CHIC2: variants seen among roughly 807,000 people sequenced by gnomAD.
The protein encoded by CHIC2 is cysteine rich hydrophobic domain 2, also known as cysteine-rich hydrophobic domain-containing protein 2.
CHIC2 carries 14 observed loss-of-function variants against 25.9 expected under a neutral mutation model. The ratio of observed to expected loss-of-function variants is 0.54; its 90% confidence interval spans 0.36 to 0.85. The LOEUF is 0.85. Among genes scored for constraint, CHIC2 ranks in the 40% least tolerant of loss-of-function variants. CHIC2 has a pLI of 0.01. For synonymous variants in CHIC2, 70 were observed against 72.0 expected, an observed-to-expected ratio of 0.97 and a Z score of 0.14; for missense variants, 146 against 202.0, an observed-to-expected ratio of 0.72 and a Z score of 1.68.
intron 1 of CHIC2, among the ~76,000 whole-genome samples, chr4:54,063,447 A>G (rs968099393): frequency 2.0e-5 from 3 of 152,118 alleles, no homozygotes; most frequent in Admixed American, 6.5e-5. Flanking sequence ...TTCCTTATTA[A>G]TATCAGACTT....
intron 1 of CHIC2, among the ~76,000 whole-genome samples, chr4:54,057,252 T>A (rs1456663883): frequency 5.3e-5 from 8 of 152,140 alleles, no homozygotes; most frequent in Admixed American, 1.3e-4. Context: ...GGGGCCACTA[T>A]CATGTCTTAT....
chr4:54,032,415 G>A (rs576908763), intron 3 of CHIC2, among the ~76,000 whole-genome samples: 1,549 of 151,534 alleles, frequency 0.01, 20 homozygotes, highest in African/African-American at 0.035. Context: ...GCAGGTGCGC[G>A]CCGCCACGCC....
At chr4:54,091,425 ACT>A in the CHIC2 span, among the ~76,000 whole-genome samples, 2 of 151,616 alleles carry the variant, frequency 1.3e-5, no homozygotes, top group African/African-American at 2.4e-5. Context: ...ACGTTCTCAC[ACT>A]CTCATTCACA....
the CHIC2 span, among the ~76,000 whole-genome samples, chr4:54,082,883 T>C: frequency 6.6e-6 from 1 of 152,182 alleles, no homozygotes; most frequent in Non-Finnish European, 1.5e-5. Flanking sequence ...ATGACTTTCC[T>C]GACCACCATC....
intron 1 of CHIC2, among the ~76,000 whole-genome samples, chr4:54,049,976 G>C (rs1716951273): frequency 6.6e-6 from 1 of 151,980 alleles, no homozygotes; most frequent in Non-Finnish European, 1.5e-5. Flanking sequence ...CTTTAGAATT[G>C]ATAAAAGATT....
intron 1 of CHIC2, among the ~76,000 whole-genome samples, chr4:54,063,459 T>C (rs1717398067): frequency 6.6e-6 from 1 of 152,250 alleles, no homozygotes; most frequent in Non-Finnish European, 1.5e-5. Flanking sequence ...ATCAGACTTT[T>C]AATGTTACTA....
intron 1 of CHIC2, among the ~76,000 whole-genome samples, chr4:54,063,164 A>C (rs1464522239): frequency 6.6e-6 from 1 of 152,216 alleles, no homozygotes; most frequent in Non-Finnish European, 1.5e-5. Flanking sequence ...CTTCACCAAA[A>C]TATAATGAAG....
rs972010604 is a variant in CHIC2, at chr4:54,039,974, T to C, written c.330+8981A>G. On this transcript the variant is annotated intron_variant, in intron 3 of 5. Transcript: ENST00000263921. ...ACACTATTTTACTCCATTTATATAATATTCTAGAAAAGACAGTATTGTAGG... is the reference window on the plus strand; with the variant it reads ...ACACTATTTTACTCCATTTATATAACATTCTAGAAAAGACAGTATTGTAGG... 5.3e-5 allele frequency among the ~76,000 whole-genome samples: 8 copies of C among 152,328 alleles called. No homozygotes were observed. In the Middle Eastern group the frequency reaches 0.01, roughly 194 times the overall value.
chr4:54,027,586 C>CA (rs34914875), intron 3 of CHIC2, among the ~76,000 whole-genome samples: 1 of 152,000 alleles, frequency 6.6e-6, no homozygotes, highest in African/African-American at 2.4e-5. Flanking sequence ...AATAAGATTT[C>CA]AAAAAGGTCA....
the CHIC2 span, among the ~76,000 whole-genome samples, chr4:54,080,869 C>T: frequency 6.7e-6 from 1 of 148,364 alleles, no homozygotes; most frequent in African/African-American, 2.5e-5. Context: ...ATTCTCACCA[C>T]ACATGGTAAC....
At chr4:54,030,017 C>A (rs1716173488) in intron 3 of CHIC2, among the ~76,000 whole-genome samples, 2 of 151,684 alleles carry the variant, frequency 1.3e-5, no homozygotes, top group African/African-American at 4.8e-5. Context: ...AACTTGAGAG[C>A]AAAGATATTC....
At chr4:54,062,941 T>C (rs1172697503) in intron 1 of CHIC2, among the ~76,000 whole-genome samples, 1 of 152,228 alleles carries the variant, frequency 6.6e-6, no homozygotes, top group African/African-American at 2.4e-5. Flanking sequence ...TCCACTGTCT[T>C]GTCATGGTGC....
intron 1 of CHIC2, among the ~76,000 whole-genome samples, chr4:54,055,042 A>T (rs563746589): frequency 6.6e-6 from 1 of 152,288 alleles, no homozygotes; most frequent in South Asian, 2.1e-4. Flanking sequence ...GAACTGACTT[A>T]TGTTTTAAAA....
chr4:54,076,390 G>A, the CHIC2 span, among the ~76,000 whole-genome samples: 2 of 152,158 alleles, frequency 1.3e-5, no homozygotes, highest in African/African-American at 2.4e-5. Context: ...GACTTCTGCT[G>A]TAGGTAAATG....
chr4:54,027,186 T>C (rs1716086512), intron 3 of CHIC2, among the ~76,000 whole-genome samples: 2 of 152,162 alleles, frequency 1.3e-5, no homozygotes, highest in South Asian at 4.1e-4. Context: ...TATTAAAAAC[T>C]CAGGTCACAG....
At chr4:54,089,392 C>CATATATATATATATATATATATATAT in the CHIC2 span, among the ~76,000 whole-genome samples, 10 of 145,192 alleles carry the variant, frequency 6.9e-5, no homozygotes, top group African/African-American at 2.5e-4. Context: ...CACCACATTC[C>CATATATATATATATATATATATATAT]ATATATATAT....
At chr4:54,086,602 G>A in the CHIC2 span, among the ~76,000 whole-genome samples, 3 of 152,290 alleles carry the variant, frequency 2.0e-5, no homozygotes, top group Non-Finnish European at 4.4e-5. Context: ...ACTGCTATGG[G>A]AGAAAAAAAT....
upstream of CHIC2, among the ~76,000 whole-genome samples, chr4:54,068,435 C>G (rs1285631952): frequency 1.3e-5 from 2 of 152,170 alleles, no homozygotes; most frequent in Non-Finnish European, 2.9e-5. Flanking sequence ...AAGCCCCTCA[C>G]CAGAAACCAA....
At chr4:54,082,095 T>C in the CHIC2 span, among the ~76,000 whole-genome samples, 1 of 152,230 alleles carries the variant, frequency 6.6e-6, no homozygotes, top group Non-Finnish European at 1.5e-5. Context: ...AAGTGACTGA[T>C]GGAAAATCAA....
Sources: allele counts gnomAD v4.1 joint callset (sites outside exome capture counted in the v4.1 genomes callset), GRCh38; gene constraint gnomAD v4.1.1; transcripts MANE v1.5; gene names NCBI Gene and HGNC (gene_info 2026-07-23, HGNC 2026-07-21).